KNL1: variants seen among roughly 807,000 people sequenced by gnomAD.
KNL1 encodes the protein kinetochore scaffold 1.
Under a neutral mutation model 201.3 loss-of-function variants are expected in KNL1, and 66 were observed. That is an observed-to-expected ratio of 0.33 (90% confidence interval 0.27 to 0.40). The LOEUF (loss-of-function observed/expected upper bound fraction) is 0.40, where lower values mean the gene tolerates loss of function less well. KNL1 is among the 10% of genes least tolerant of loss of function. The pLI is 1.00. For missense variants in KNL1, 2,815 were observed against 2,690.5 expected (o/e 1.05, Z -1.02); for synonymous variants, 895 against 899.2 (o/e 1.00, Z 0.08).
intron 6 of KNL1, among the ~76,000 whole-genome samples, 161 bp from the exon 7 acceptor site, chr15:40,611,317 C>T (rs1422166014): frequency 6.6e-6 from 1 of 152,052 alleles, no homozygotes; most frequent in Non-Finnish European, 1.5e-5. Flanking sequence ...CCGTGTTGGT[C>T]AGGTTGATCT....
rs538523773 is a variant in KNL1, at chr15:40,657,359, T to C, written c.6599T>C (p.Leu2200Pro). The stretch of plus-strand genomic sequence containing the variant: ...TTTTTTTCCCACTTTTTCTAGATGC[T>C]TGAAGAATTCTCACTGGTAGTGCAC... ...CTTQHQLPKMLEEFSLVVHHC... is the reference protein window; with the variant it reads ...CTTQHQLPKMPEEFSLVVHHC... The change falls in exon 24 of 26, where the codon CTT (leucine) becomes CCT (proline). Residue 2200 changes from leucine (L) to proline (P), a missense_variant. By Grantham distance (98) the Leu-to-Pro change is moderately conservative. Coordinates refer to ENST00000399668, the MANE Select transcript of KNL1 (RefSeq NM_144508.5). The C allele has an allele frequency of 6.3e-7, 1 of 1,588,438 alleles. No homozygotes were observed. Among genetic ancestry groups the C allele is most frequent in the South Asian group, 1.1e-5 (1 of 89,640 alleles).
chr15:40,602,992 A>G (rs763800008), intron 2 of KNL1, 26 bp downstream of exon 2: 1 of 1,455,210 alleles, frequency 6.9e-7, no homozygotes, highest in Non-Finnish European at 9.6e-7. Flanking sequence ...GCAGCTAAAA[A>G]TATTATATTC....
At chr15:40,651,855 A>G (rs1304558182) in intron 20 of KNL1, 150 bp from the exon 21 acceptor site, 5 of 571,344 alleles carry the variant, frequency 8.8e-6, no homozygotes, top group Non-Finnish European at 1.5e-5. Context: ...TTAAGTTTGT[A>G]CATCCACAAT....
At position 40,628,608 on chromosome 15, in the gene KNL1, T is replaced by C; in HGVS notation, c.5516-3T>C. ...TCGTCACCAGAATTTGCTTTACTTC[T>C]AGCTTACCGCAGTAGTCAAATGGAA... On this transcript the variant is annotated splice_polypyrimidine_tract_variant and splice_region_variant and intron_variant, in intron 11 of 25. Transcript: ENST00000399668. 2 of 1,596,120 alleles carry C rather than the reference T, an allele frequency of 1.3e-6. No individual in the cohort carries two copies. Among genetic ancestry groups the C allele is most frequent in the South Asian group, 1.1e-5 (1 of 87,984 alleles).
intron 2 of KNL1, among the ~76,000 whole-genome samples, chr15:40,603,578 A>G (rs1277012977): frequency 6.6e-6 from 1 of 152,180 alleles, no homozygotes; most frequent in African/African-American, 2.4e-5. Flanking sequence ...GCAACATAGT[A>G]AGACACCCCC....
rs1371865536 is a variant in KNL1 at position 40,623,132 on chromosome 15, G to C, written c.2868G>C (p.Glu956Asp). Residue 956 changes from glutamate to aspartate, a missense_variant, in exon 10 of 26, where the codon GAG becomes GAC. Physicochemically the swap from Glu to Asp is conservative, Grantham distance 45. This residue lies in a region of KNL1 where 2,464 missense variants were observed against 2,291.7 expected (regional missense o/e 1.08). Transcript: ENST00000399668. ...VDNHVELEMTESHTVFIDYQE... is the reference protein window; with the variant it reads ...VDNHVELEMTDSHTVFIDYQE... ...ATCATGTTGAACTAGAAATGACAGA[G>C]TCCCATACTGTTTTCATTGACTACC... The C allele has an allele frequency of 6.2e-7, 1 of 1,613,824 alleles. No homozygotes were observed. The highest frequency in any genetic ancestry group is 8.5e-7 in the Non-Finnish European group (1 of 1,179,864).
At chr15:40,644,646 C>T (rs201040950) in intron 14 of KNL1, among the ~76,000 whole-genome samples, 231 of 152,202 alleles carry the variant, frequency 1.5e-3, no homozygotes, top group African/African-American at 5.3e-3. Flanking sequence ...TGCGGCTTTC[C>T]GCAGTGCATT....
chr15:40,652,221 G>A (rs1893587270), intron 21 of KNL1, 116 bp downstream of exon 21: 1 of 526,258 alleles, frequency 1.9e-6, no homozygotes, highest in South Asian at 3.4e-5. Context: ...GAGCACTGCT[G>A]AAAGTCTTAG....
intron 3 of KNL1, among the ~76,000 whole-genome samples, chr15:40,605,504 C>T (rs1215023074): frequency 6.6e-6 from 1 of 152,050 alleles, no homozygotes; most frequent in African/African-American, 2.4e-5. Context: ...CAGGCTGGAG[C>T]GCAGTGGTGT....
rs1374511935 is a variant in KNL1, at chr15:40,624,394, G to A, written c.4130G>A (p.Gly1377Glu). ...GAAGTTATTCAAACCAGTACCAAAG[G>A]ACAGTTAGACTGTGTTATAACACTG... is the stretch of plus-strand genomic sequence containing the variant. ...KEEVIQTSTK[G>E]QLDCVITLHK... The change falls in exon 10 of 26, where the codon GGA becomes GAA. Residue 1377 changes from glycine to glutamate, a missense_variant. Physicochemically the swap from Gly to Glu is moderately conservative, Grantham distance 98. Transcript: ENST00000399668. 1.9e-6 allele frequency: 3 copies of A among 1,613,850 alleles called. No individual in the cohort carries two copies. Among genetic ancestry groups the A allele is most frequent in the African/African-American group, 1.3e-5 (1 of 74,930 alleles).
In KNL1 at chr15:40,624,749, T is replaced by C. The variant is rs1263561527; in HGVS notation, c.4485T>C (p.Ser1495=). ...AAAACAAGCCCAAAATACTCAATAGTGAGGAATGGTTTGCTGCAGCCTGTA... is the reference window on the plus strand; with the variant it reads ...AAAACAAGCCCAAAATACTCAATAGCGAGGAATGGTTTGCTGCAGCCTGTA... ...ICENKPKILN[S]EEWFAAACKK... Residue 1495 remains serine (S), a synonymous_variant, in exon 10 of 26, where the codon AGT becomes AGC. Transcript: ENST00000399668. The C allele has an allele frequency of 6.2e-7, 1 of 1,613,720 alleles. No individual in the cohort carries two copies. Among genetic ancestry groups the C allele is most frequent in the African/African-American group, 1.3e-5 (1 of 74,898 alleles).
intron 12 of KNL1, 83 bp downstream of exon 12, chr15:40,628,761 G>A: frequency 5.8e-6 from 5 of 868,960 alleles, no homozygotes; most frequent in Admixed American, 2.7e-5. Context: ...TAATATTCTT[G>A]GTTTAAAAAA....
chr15:40,597,423 T>G (rs1043848517), intron 1 of KNL1, among the ~76,000 whole-genome samples: 6 of 152,046 alleles, frequency 3.9e-5, no homozygotes, highest in Non-Finnish European at 8.8e-5. Flanking sequence ...CCTAGCTAAT[T>G]TTTTTGCCCT....
rs1358319619 is a variant in KNL1, at chr15:40,620,917, T to C, written c.653T>C (p.Phe218Ser). 3.1e-6 allele frequency: 5 copies of C among 1,599,850 alleles called. No homozygotes were observed. The highest frequency in any genetic ancestry group is 8.5e-7 in the Non-Finnish European group (1 of 1,176,374). The change falls in exon 10 of 26, where the codon TTC (phenylalanine) becomes TCC (serine). Residue 218 changes from phenylalanine (F) to serine (S), a missense_variant. Phe to Ser is a radical substitution (Grantham distance 155). Coordinates refer to ENST00000399668, the MANE Select transcript of KNL1 (RefSeq NM_144508.5). ...GAAAATAAAATAGATTTCAATGACT[T>C]CATAAAAAGATTGAAAACAGGAAAA... is the stretch of plus-strand genomic sequence containing the variant. Reference protein sequence around the residue: ...SSENKIDFNDFIKRLKTGKCS... With the variant: ...SSENKIDFNDSIKRLKTGKCS...
intron 1 of KNL1, among the ~76,000 whole-genome samples, chr15:40,601,663 C>CA (rs981074436): frequency 6.6e-5 from 10 of 150,658 alleles, no homozygotes; most frequent in Non-Finnish European, 1.5e-4. Flanking sequence ...ACTAAAAATA[C>CA]AAAAAAAATT....
At chr15:40,597,788 T>C (rs1891662847) in intron 1 of KNL1, among the ~76,000 whole-genome samples, 1 of 152,232 alleles carries the variant, frequency 6.6e-6, no homozygotes, top group Non-Finnish European at 1.5e-5. Context: ...GGAATTATGC[T>C]TAATGACTGT....
In KNL1 at chr15:40,646,893, T is replaced by C. The variant is rs986749065; in HGVS notation, c.6007-94T>C. Reference sequence around the variant, plus strand: ...AAAAAAAAAAAGATTTGCCTGTTTGTGATCATGATAGAGCGATTATGTGAG... The same window carrying C: ...AAAAAAAAAAAGATTTGCCTGTTTGCGATCATGATAGAGCGATTATGTGAG... On this transcript the variant is annotated intron_variant, in intron 16 of 25. Coordinates refer to ENST00000399668, the MANE Select transcript of KNL1 (RefSeq NM_144508.5). 4 of 535,914 alleles carry C rather than the reference T, an allele frequency of 7.5e-6. No individual in the cohort carries two copies. In the African/African-American group the frequency reaches 8.1e-5, roughly 11 times the overall value. The allele number at this position is 535,914 out of a possible 1,614,324, so 33.2% of individuals were successfully genotyped here.
chr15:40,659,906 G>GTGTGTGTGTGTGTC (rs1212334536), intron 25 of KNL1, among the ~76,000 whole-genome samples: 1 of 150,780 alleles, frequency 6.6e-6, no homozygotes, highest in African/African-American at 2.4e-5. Flanking sequence ...GTGTGTGTGT[G>GTGTGTGTGTGTGTC]TGTGTGTGTG....
rs933152279 is a variant in KNL1 at position 40,622,043 on chromosome 15, A to G, written c.1779A>G (p.Leu593=). 1.9e-6 allele frequency: 3 copies of G among 1,613,876 alleles called. No homozygotes were observed. The highest frequency in any genetic ancestry group is 1.7e-5 in the Admixed American group (1 of 59,978). The change falls in exon 10 of 26, where the codon CTA becomes CTG. Residue 593 remains leucine, a synonymous_variant. Coordinates refer to ENST00000399668, the MANE Select transcript of KNL1 (RefSeq NM_144508.5). ...AGGTTCCTCTTGCAGCTTATAATCT[A>G]GCACCGGAGAGTACCAGTGAATCTC... ...GSQVPLAAYN[L]APESTSESHS...
Sources: allele counts gnomAD v4.1 joint callset (sites outside exome capture counted in the v4.1 genomes callset), GRCh38; gene constraint gnomAD v4.1.1; regional missense constraint gnomAD v4.1.1; transcripts MANE v1.5; gene names NCBI Gene and HGNC (gene_info 2026-07-23, HGNC 2026-07-21).